Variants in IQCH observed in about 807,000 individuals in gnomAD.
IQCH encodes IQ domain-containing protein H.
A neutral mutation model predicts 117.0 loss-of-function variants in IQCH; 98 were observed. The observed-to-expected ratio is 0.84, with a 90% CI of 0.71 to 0.99. IQCH has a LOEUF of 0.99. Ranked by LOEUF, IQCH falls within the 50% of genes least tolerant of loss-of-function variation. IQCH has a pLI of 0.00. For missense variants in IQCH, 1,102 were observed against 1,243.8 expected, an observed-to-expected ratio of 0.89 and a Z score of 1.72; for synonymous variants, 412 against 448.2, an observed-to-expected ratio of 0.92 and a Z score of 1.02.
rs573840303 is a variant in IQCH, at chr15:67,365,651, C to T, written c.753+5766C>T. Among the ~76,000 whole-genome samples, 8 of 152,208 alleles carry T rather than the reference C, an allele frequency of 5.3e-5. No individual in the cohort carries two copies. The South Asian group carries it at 1.7e-3, about 32-fold the overall frequency. The stretch of plus-strand genomic sequence containing the variant: ...AGAATACATATGTAGGTATAGAAGC[C>T]ACGCACGGTGGCTCACGCCTGTAAT... On this transcript the variant is annotated intron_variant, in intron 8 of 20. Coordinates refer to ENST00000335894, the MANE Select transcript of IQCH (RefSeq NM_001031715.3). This position sits in a 1 kb window ranked among gnomAD's most constrained non-coding sequence, Gnocchi z 4.4.
intron 6 of IQCH, among the ~76,000 whole-genome samples, chr15:67,352,336 G>T (rs1311656143): frequency 6.6e-6 from 1 of 151,526 alleles, no homozygotes; most frequent in East Asian, 1.9e-4. Flanking sequence ...AGACATTATT[G>T]TTAATGTTTT....
At chr15:67,338,239 C>CTATCTATCTATCTATT (rs756279870) in intron 5 of IQCH, among the ~76,000 whole-genome samples, 39 of 149,960 alleles carry the variant, frequency 2.6e-4, no homozygotes, top group African/African-American at 7.9e-4. Context: ...ATCTATCTAT[C>CTATCTATCTATCTATT]TATCTATCTG....
rs1484818156 is a variant in IQCH at position 67,431,569 on chromosome 15, T to G, written c.2505+9992T>G. Reference sequence around the variant, plus strand: ...AATACCTGGGTGATGAAATAATGTGTACAACAAACCCCCATGGCACAAGTT... The same window carrying G: ...AATACCTGGGTGATGAAATAATGTGGACAACAAACCCCCATGGCACAAGTT... On this transcript the variant is annotated intron_variant, in intron 16 of 20. Coordinates refer to ENST00000335894, the MANE Select transcript of IQCH (RefSeq NM_001031715.3). This position sits in a 1 kb window ranked among gnomAD's most constrained non-coding sequence, Gnocchi z 4.8. Among the ~76,000 whole-genome samples the G allele has an allele frequency of 6.6e-6, 1 of 151,954 alleles. No homozygotes were observed. Among genetic ancestry groups the G allele is most frequent in the Non-Finnish European group, 1.5e-5 (1 of 68,014 alleles).
intron 4 of IQCH, chr15:67,306,805 A>G: frequency 5.9e-6 from 9 of 1,512,774 alleles, no homozygotes; most frequent in Non-Finnish European, 8.0e-6. Context: ...GTAACAAACA[A>G]CCTTCTAACA....
chr15:67,394,001 A>G (rs1048749638), intron 12 of IQCH, among the ~76,000 whole-genome samples: 46 of 152,140 alleles, frequency 3.0e-4, no homozygotes, highest in African/African-American at 1.1e-3. Flanking sequence ...CAGGGGGTCT[A>G]AGTTACTTGC....
chr15:67,485,932 C>T (rs988858951), intron 18 of IQCH, among the ~76,000 whole-genome samples: 95 of 151,724 alleles, frequency 6.3e-4, no homozygotes, highest in African/African-American at 2.2e-3. Context: ...GCTGGGATTA[C>T]AGGCATGAGC....
chr15:67,393,300 A>G lies in IQCH; in HGVS notation c.1633-1991A>G, dbSNP rs946565701. 2.6e-5 allele frequency among the ~76,000 whole-genome samples: 4 copies of G among 152,170 alleles called. No homozygotes were observed. Among genetic ancestry groups the G allele is most frequent in the Admixed American group, 2.0e-4 (3 of 15,280 alleles). On this transcript the variant is annotated intron_variant, in intron 12 of 20. Coordinates refer to ENST00000335894, the MANE Select transcript of IQCH (RefSeq NM_001031715.3). The surrounding 1 kb of genome is among the most constrained non-coding windows in gnomAD (Gnocchi z 5.5). ...TCCCCAGTCTAGTTCTCTTTCTCCC[A>G]TACTCAGGAGTTATACTCTCCGACA...
intron 6 of IQCH, among the ~76,000 whole-genome samples, chr15:67,350,363 A>G (rs766860074): frequency 6.6e-6 from 1 of 152,264 alleles, no homozygotes; most frequent in South Asian, 2.1e-4. Flanking sequence ...GGGGATGGGG[A>G]GAGTAGTTGA....
intron 14 of IQCH, among the ~76,000 whole-genome samples, chr15:67,412,406 T>C (rs2140896784): frequency 6.6e-6 from 1 of 151,954 alleles, no homozygotes; most frequent in East Asian, 1.9e-4. Context: ...GTTGTTGTCT[T>C]TTTTTTTGTT....
chr15:67,410,048 A>T (rs2140890600), intron 14 of IQCH, among the ~76,000 whole-genome samples: 1 of 152,254 alleles, frequency 6.6e-6, no homozygotes, highest in South Asian at 2.1e-4. Flanking sequence ...AATAATCTTG[A>T]TGGAAAGGAA....
In IQCH at chr15:67,474,762, CA is replaced by C. The variant is rs1447830081; in HGVS notation, c.2677-933del. On this transcript the variant is annotated intron_variant, in intron 17 of 20. Coordinates refer to ENST00000335894, the MANE Select transcript of IQCH (RefSeq NM_001031715.3). This position sits in a 1 kb window ranked among gnomAD's most constrained non-coding sequence, Gnocchi z 4.1. ...GAAGAGTGGGAAAATATCTTTACAG[CA>C]GAGAAATCTGTAAAGTTTTTTCACA... is the stretch of plus-strand genomic sequence containing the variant. Among the ~76,000 whole-genome samples the C allele has an allele frequency of 6.6e-6, 1 of 152,186 alleles. No homozygotes were observed. Among genetic ancestry groups the C allele is most frequent in the Non-Finnish European group, 1.5e-5 (1 of 68,036 alleles).
intron 1 of IQCH, among the ~76,000 whole-genome samples, chr15:67,259,884 A>G (rs1027856548): frequency 6.6e-6 from 1 of 152,224 alleles, no homozygotes; most frequent in Non-Finnish European, 1.5e-5. Context: ...TCAGATTTCA[A>G]TCTGTGAGCT....
At position 67,500,129 on chromosome 15, in the gene IQCH, A is replaced by G. The variant is rs1010134596; in HGVS notation, c.2971-504A>G. Reference sequence around the variant, plus strand: ...TTTATGGTATGGGAATTGTACTTCAATAAAATATAAACAAAGTAAATGGGA... The same window carrying G: ...TTTATGGTATGGGAATTGTACTTCAGTAAAATATAAACAAAGTAAATGGGA... On this transcript the variant is annotated intron_variant, in intron 20 of 20. Coordinates refer to ENST00000335894, the MANE Select transcript of IQCH (RefSeq NM_001031715.3). The surrounding 1 kb of genome is among the most constrained non-coding windows in gnomAD (Gnocchi z 4.4). Among the ~76,000 whole-genome samples the G allele has an allele frequency of 1.3e-5, 2 of 152,238 alleles. No individual in the cohort carries two copies. Among genetic ancestry groups the G allele is most frequent in the East Asian group, 3.8e-4 (2 of 5,200 alleles).
rs539869957 is a variant in IQCH, at chr15:67,375,480, A to G, written c.1372+2047A>G. Among the ~76,000 whole-genome samples the G allele has an allele frequency of 8.5e-5, 13 of 152,304 alleles. No individual in the cohort carries two copies. The East Asian group carries it at 2.3e-3, about 27-fold the overall frequency. On this transcript the variant is annotated intron_variant, in intron 10 of 20. Transcript: ENST00000335894. ...GGAGAATAATCTGGTCAAAGAAGCT[A>G]GAAATAGAAAACGTTATTTTAAATA...
chr15:67,388,589 C>G lies in IQCH; in HGVS notation c.1457-242C>G, dbSNP rs968092975. Among the ~76,000 whole-genome samples, 4 of 152,174 alleles carry G rather than the reference C, an allele frequency of 2.6e-5. No individual in the cohort carries two copies. The highest frequency in any genetic ancestry group is 4.4e-5 in the Non-Finnish European group (3 of 68,038). The stretch of plus-strand genomic sequence containing the variant: ...TCCAAGGTATCTCACAGCCCTCCTT[C>G]TGAAGGAATCATTGCATCTATTTCG... On this transcript the variant is annotated intron_variant, in intron 11 of 20. Coordinates refer to ENST00000335894, the MANE Select transcript of IQCH (RefSeq NM_001031715.3). The surrounding 1 kb of genome is among the most constrained non-coding windows in gnomAD (Gnocchi z 5.5).
chr15:67,382,168 C>T (rs753514816), intron 10 of IQCH, among the ~76,000 whole-genome samples: 5 of 151,806 alleles, frequency 3.3e-5, no homozygotes, highest in African/African-American at 9.7e-5. Context: ...AAATATGTAA[C>T]GACAAAATGA....
At position 67,364,717 on chromosome 15, in the gene IQCH, G is replaced by A. The variant is rs1357696182; in HGVS notation, c.753+4832G>A. The stretch of plus-strand genomic sequence containing the variant: ...TTTTTTCCCCATATCACAATCCTTT[G>A]GTACTATTTAAACTTTGGCATATTC... On this transcript the variant is annotated intron_variant, in intron 8 of 20. Transcript: ENST00000335894. The surrounding 1 kb of genome is among the most constrained non-coding windows in gnomAD (Gnocchi z 4.1). Among the ~76,000 whole-genome samples the A allele has an allele frequency of 1.3e-5, 2 of 151,902 alleles. No homozygotes were observed. The highest frequency in any genetic ancestry group is 4.8e-5 in the African/African-American group (2 of 41,342).
At chr15:67,274,628 G>A (rs1331864406) in intron 3 of IQCH, among the ~76,000 whole-genome samples, 2 of 152,052 alleles carry the variant, frequency 1.3e-5, no homozygotes, top group East Asian at 1.9e-4. Context: ...CAGAGATCTC[G>A]CATATCAACA....
intron 4 of IQCH, among the ~76,000 whole-genome samples, chr15:67,329,267 C>T (rs151061796): frequency 9.3e-5 from 14 of 150,744 alleles, no homozygotes; most frequent in Admixed American, 4.0e-4. Flanking sequence ...CCACTGCACC[C>T]CAGCCTGGGC....
Sources: gnomAD v4.1 joint callset for allele counts (sites outside exome capture counted in the v4.1 genomes callset) on GRCh38, gnomAD v4.1.1 for gene constraint, Gnocchi (gnomAD v3.1) non-coding constraint, MANE v1.5 for transcripts, NCBI Gene and HGNC (gene_info 2026-07-23, HGNC 2026-07-21) for gene names.